Variants in NR1D2 observed in about 807,000 individuals in gnomAD.
The protein encoded by NR1D2 is nuclear receptor subfamily 1 group D member 2.
A neutral mutation model predicts 52.2 loss-of-function variants in NR1D2; 25 were observed. The ratio of observed to expected loss-of-function variants is 0.48; its 90% CI spans 0.35 to 0.67. The LOEUF (loss-of-function observed/expected upper bound fraction) is 0.67, where lower values mean the gene tolerates loss of function less well. NR1D2 is among the 30% of genes least tolerant of loss of function. The probability of loss-of-function intolerance (pLI) is 0.01; values close to 1 mark genes in which losing one functional copy is unlikely to be tolerated. For missense variants in NR1D2, 681 were observed against 707.2 expected, an observed-to-expected ratio of 0.96 and a Z score of 0.42; for synonymous variants, 259 against 230.1, an observed-to-expected ratio of 1.13 and a Z score of -1.14.
At chr3:23,967,583 T>A (rs530991635) in intron 6 of NR1D2, among the ~76,000 whole-genome samples, 1 of 152,166 alleles carries the variant, frequency 6.6e-6, no homozygotes, top group East Asian at 1.9e-4. Context: ...GCCATTGCAC[T>A]CCAGCTCGGG....
chr3:23,945,392 C>G lies in NR1D2; in HGVS notation c.-187C>G, dbSNP rs866677046. 5.5e-6 allele frequency: 1 copy of G among 183,126 alleles called. No individual in the cohort carries two copies. The highest frequency in any genetic ancestry group is 2.4e-5 in the African/African-American group (1 of 41,852). 11.3% of individuals were successfully genotyped at this position (183,126 alleles called of 1,614,324 possible). ...AGCGCCGCTCGCCGGCCGCCGCCACCCTCTCTCGCTGCAGCCTGCTGTGCG... is the reference window on the plus strand; with the variant it reads ...AGCGCCGCTCGCCGGCCGCCGCCACGCTCTCTCGCTGCAGCCTGCTGTGCG... On this transcript the variant is annotated 5_prime_UTR_variant, in exon 1 of 8. Coordinates refer to ENST00000312521, the MANE Select transcript of NR1D2 (RefSeq NM_005126.5).
intron 4 of NR1D2, among the ~76,000 whole-genome samples, chr3:23,961,625 AC>A (rs1706248866): frequency 6.6e-6 from 1 of 151,422 alleles, no homozygotes; most frequent in African/African-American, 2.4e-5. Flanking sequence ...CGAATTCCTG[AC>A]CTCAGGTGGT....
At position 23,977,610 on chromosome 3, in the gene NR1D2, A is replaced by G. The variant is rs1278895375; in HGVS notation, c.*191A>G. On this transcript the variant is annotated 3_prime_UTR_variant, in exon 8 of 8. Coordinates refer to ENST00000312521, the MANE Select transcript of NR1D2 (RefSeq NM_005126.5). ...TCAGCCATGATTAGACGTTGACTGC[A>G]TCTCCCTGATAGACCAATCAGCTGT... 7.3e-6 allele frequency: 3 copies of G among 409,952 alleles called. No individual in the cohort carries two copies. The highest frequency in any genetic ancestry group is 4.3e-6 in the Non-Finnish European group (1 of 231,890). 25.4% of individuals were successfully genotyped at this position (409,952 alleles called of 1,614,324 possible).
chr3:23,959,686 A>G lies in NR1D2; in HGVS notation c.388A>G (p.Ser130Gly). Residue 130 changes from serine (S) to glycine (G), a missense_variant, in exon 4 of 8, where the codon AGT becomes GGT. Transcript: ENST00000312521. ...TTGTTCTTAGGGTTTCTTTCGGAGAAGTATTCAACAAAACATCCAGTACAA... is the reference window on the plus strand; with the variant it reads ...TTGTTCTTAGGGTTTCTTTCGGAGAGGTATTCAACAAAACATCCAGTACAA... ...CEGCKGFFRR[S>G]IQQNIQYKKC... is the part of the protein sequence containing the mutation. 6.2e-7 allele frequency: 1 copy of G among 1,610,166 alleles called. No homozygotes were observed. The highest frequency in any genetic ancestry group is 2.2e-5 in the East Asian group (1 of 44,822).
At chr3:23,973,918 A>G (rs1303968039) in intron 7 of NR1D2, among the ~76,000 whole-genome samples, 1 of 152,012 alleles carries the variant, frequency 6.6e-6, no homozygotes, top group Non-Finnish European at 1.5e-5. Flanking sequence ...CAGGCTCATC[A>G]TCATCAATAT....
At chr3:23,968,757 TC>T (rs1370442236) in intron 7 of NR1D2, among the ~76,000 whole-genome samples, 1 of 152,234 alleles carries the variant, frequency 6.6e-6, no homozygotes. Context: ...AGATTGTTAC[TC>T]CCAATAACAA....
chr3:23,946,935 C>G (rs1041614821), intron 1 of NR1D2, among the ~76,000 whole-genome samples: 9 of 152,124 alleles, frequency 5.9e-5, no homozygotes, highest in African/African-American at 1.7e-4. Context: ...CTCTAAGAAT[C>G]TTGCCTCGAT....
At chr3:23,949,148 C>A (rs1705858147) in intron 1 of NR1D2, among the ~76,000 whole-genome samples, 1 of 152,118 alleles carries the variant, frequency 6.6e-6, no homozygotes, top group Non-Finnish European at 1.5e-5. Flanking sequence ...GGCAGATCAC[C>A]TGAGGTCAGG....
At chr3:23,962,679 T>C (rs1706316365) in intron 5 of NR1D2, 74 bp downstream of exon 5, 12 of 1,413,844 alleles carry the variant, frequency 8.5e-6, no homozygotes, top group African/African-American at 1.4e-5. Context: ...TCGGGAGATA[T>C]GCTAACTTGG....
At position 23,967,881 on chromosome 3, in the gene NR1D2, G is replaced by T. The variant is rs141382184; in HGVS notation, c.1401G>T (p.Lys467Asn). The change falls in exon 7 of 8, where the codon AAG becomes AAT. Residue 467 changes from lysine to asparagine, a missense_variant. Coordinates refer to ENST00000312521, the MANE Select transcript of NR1D2 (RefSeq NM_005126.5). ...KERTVTFLSG[K>N]KYSVDDLHSM... is the part of the protein sequence containing the mutation. ...GTACTGTCACCTTTTTAAGTGGAAA[G>T]AAATATAGTGTGGATGATTTACACT... 1 of 1,614,094 alleles carries T rather than the reference G, an allele frequency of 6.2e-7. No individual in the cohort carries two copies. The highest frequency in any genetic ancestry group is 8.5e-7 in the Non-Finnish European group (1 of 1,179,976).
chr3:23,965,761 G>A (rs1353979069), intron 6 of NR1D2, among the ~76,000 whole-genome samples: 2 of 152,090 alleles, frequency 1.3e-5, no homozygotes, highest in Non-Finnish European at 1.5e-5. Flanking sequence ...TTCTAGTATT[G>A]CTTTTAGATG....
intron 7 of NR1D2, among the ~76,000 whole-genome samples, chr3:23,971,631 A>G (rs1706593521): frequency 6.6e-6 from 1 of 151,686 alleles, no homozygotes; most frequent in South Asian, 2.1e-4. Flanking sequence ...TTTCCCTCTC[A>G]ATTTTTTTAT....
Position 23,977,583 on chromosome 3 carries a change from C to T in NR1D2, c.*164C>T, listed in dbSNP as rs183715156. On this transcript the variant is annotated 3_prime_UTR_variant, in exon 8 of 8. Transcript: ENST00000312521. The stretch of plus-strand genomic sequence containing the variant: ...GCAATAGCTGTTCGGATTGAGAACT[C>T]TTCAGCCATGATTAGACGTTGACTG... The T allele has an allele frequency of 4.5e-6, 2 of 442,274 alleles. No homozygotes were observed. Among genetic ancestry groups the T allele is most frequent in the East Asian group, 3.4e-5 (1 of 29,770 alleles). 27.4% of individuals were successfully genotyped at this position (442,274 alleles called of 1,614,324 possible).
chr3:23,972,834 A>C (rs994470961), intron 7 of NR1D2, among the ~76,000 whole-genome samples: 1 of 152,148 alleles, frequency 6.6e-6, no homozygotes, highest in Non-Finnish European at 1.5e-5. Context: ...CCAGGTTTGT[A>C]CCTTAGGTTC....
intron 5 of NR1D2, among the ~76,000 whole-genome samples, chr3:23,964,271 G>A (rs1706378900): frequency 6.6e-6 from 1 of 151,932 alleles, no homozygotes; most frequent in Admixed American, 6.6e-5. Flanking sequence ...TAGAGACAGG[G>A]TTTCACCATG....
chr3:23,959,613 T>C, intron 3 of NR1D2, 58 bp from the exon 4 acceptor site: 1 of 1,547,800 alleles, frequency 6.5e-7, no homozygotes, highest in Non-Finnish European at 8.8e-7. Context: ...GAGCAGTGTT[T>C]ATAAGAAGTT....
intron 1 of NR1D2, among the ~76,000 whole-genome samples, chr3:23,949,903 C>T (rs1705880117): frequency 6.6e-6 from 1 of 152,172 alleles, no homozygotes; most frequent in Non-Finnish European, 1.5e-5. Flanking sequence ...GCAGGAATAT[C>T]AGTGCTTCCT....
chr3:23,946,381 C>T, intron 1 of NR1D2: 1 of 842,572 alleles, frequency 1.2e-6, no homozygotes, highest in Non-Finnish European at 1.4e-6. Flanking sequence ...GGAGGAGGCG[C>T]CTCGGGGAAG....
rs200401146 is a variant in NR1D2 at position 23,977,409 on chromosome 3, T to A, written c.1730T>A (p.Val577Asp). 1.3e-6 allele frequency: 2 copies of A among 1,597,734 alleles called. No homozygotes were observed. Among genetic ancestry groups the A allele is most frequent in the South Asian group, 1.1e-5 (1 of 88,762 alleles). ...MHSEELLAFK[V>D]HP ...TCTGAGGAGCTCTTGGCCTTTAAAG[T>A]TCACCCTTAAGGCCTTTGTTTATTT... is the stretch of plus-strand genomic sequence containing the variant. Residue 577 changes from valine (V) to aspartate (D), a missense_variant, in exon 8 of 8, where the codon GTT becomes GAT. Val to Asp is a radical substitution (Grantham distance 152, BLOSUM62 -3). Coordinates refer to ENST00000312521, the MANE Select transcript of NR1D2 (RefSeq NM_005126.5).
Sources: allele counts gnomAD v4.1 joint callset (sites outside exome capture counted in the v4.1 genomes callset), GRCh38; gene constraint gnomAD v4.1.1; transcripts MANE v1.5; gene names NCBI Gene and HGNC (gene_info 2026-07-23, HGNC 2026-07-21).